The following CTNND2 variants were observed in gnomAD, a reference collection of about 807,000 sequenced individuals.
CTNND2 encodes catenin delta-2.
In CTNND2, 22 loss-of-function variants were observed where a neutral mutation model predicts 144.4. That is an observed-to-expected ratio of 0.15 (90% CI 0.11 to 0.22). The LOEUF (loss-of-function observed/expected upper bound fraction) is 0.22. CTNND2 is among the 10% of genes least tolerant of loss of function. CTNND2 has a pLI of 1.00. For synonymous variants in CTNND2, 751 were observed against 695.6 expected (o/e 1.08, Z -1.25); for missense variants, 1,353 against 1,618.8 (o/e 0.84, Z 2.82).
Position 11,051,007 on chromosome 5 carries a change from A to G in CTNND2, c.2789-28028T>C, listed in dbSNP as rs141456222. 4.7e-3 allele frequency among the ~76,000 whole-genome samples: 713 copies of G among 152,322 alleles called. 7 individuals carry two copies. Among genetic ancestry groups the G allele is most frequent in the African/African-American group, 0.016 (675 of 41,584 alleles). On this transcript the variant is annotated intron_variant, in intron 16 of 21. Transcript: ENST00000304623. ...AGTCTCTGCCAAAACACAAGTGATA[A>G]TGGCCAGCCCCCTTGCTATAGGAAG...
At chr5:11,005,446 G>C (rs1184494710) in intron 18 of CTNND2, among the ~76,000 whole-genome samples, 1 of 152,216 alleles carries the variant, frequency 6.6e-6, no homozygotes, top group Non-Finnish European at 1.5e-5. Flanking sequence ...TGGTAACGTT[G>C]ATTCCAGAAA....
chr5:11,830,626 T>A (rs890141762), intron 1 of CTNND2, among the ~76,000 whole-genome samples: 1 of 152,122 alleles, frequency 6.6e-6, no homozygotes, highest in African/African-American at 2.4e-5. Context: ...TTACCCAGTC[T>A]CAAATATGTC....
At chr5:11,877,917 T>C (rs939630334) in intron 1 of CTNND2, among the ~76,000 whole-genome samples, 1 of 152,200 alleles carries the variant, frequency 6.6e-6, no homozygotes, top group Non-Finnish European at 1.5e-5. Context: ...TAAATCCATC[T>C]AATATATAAA....
chr5:11,681,562 T>A (rs1291911699), intron 2 of CTNND2, among the ~76,000 whole-genome samples: 1 of 152,178 alleles, frequency 6.6e-6, no homozygotes, highest in African/African-American at 2.4e-5. Context: ...AAAAAAATTC[T>A]TTTTCCAGTC....
intron 2 of CTNND2, among the ~76,000 whole-genome samples, chr5:11,586,154 T>C (rs1356337998): frequency 2.6e-5 from 4 of 152,224 alleles, no homozygotes; most frequent in African/African-American, 9.6e-5. Context: ...AAGGTTATTT[T>C]GTGTGTCACT....
chr5:11,082,826 G>C lies in CTNND2; in HGVS notation c.2658C>G (p.Ala886=), dbSNP rs751813141. The C allele has an allele frequency of 6.2e-7, 1 of 1,614,114 alleles. No individual in the cohort carries two copies. Among genetic ancestry groups the C allele is most frequent in the Non-Finnish European group, 8.5e-7 (1 of 1,180,026 alleles). The part of the protein sequence containing the change: ...GSWKWSVYIR[A]AVRKEKGLPI... ...GCAGGCCTTTCTCTTTTCGGACAGC[G>C]GCTCGGATATATACTGACCACTGCA... The change falls in exon 16 of 22, where the codon GCC becomes GCG. Residue 886 remains alanine (A), a synonymous_variant. Coordinates refer to ENST00000304623, the MANE Select transcript of CTNND2 (RefSeq NM_001332.4).
At chr5:11,774,981 T>C (rs965217260) in intron 1 of CTNND2, among the ~76,000 whole-genome samples, 1 of 152,172 alleles carries the variant, frequency 6.6e-6, no homozygotes, top group African/African-American at 2.4e-5. Context: ...TAGTTGTCCT[T>C]CTGTCTCTCA....
chr5:11,074,028 T>TC (rs1748640029), intron 16 of CTNND2, among the ~76,000 whole-genome samples: 1 of 152,250 alleles, frequency 6.6e-6, no homozygotes, highest in Non-Finnish European at 1.5e-5. Flanking sequence ...ACTTACATAT[T>TC]TCCAGTACTA....
chr5:11,200,131 G>A (rs1737276202), intron 10 of CTNND2, among the ~76,000 whole-genome samples: 1 of 152,146 alleles, frequency 6.6e-6, no homozygotes, highest in Non-Finnish European at 1.5e-5. Flanking sequence ...GAAGCGAAAC[G>A]AGAGACTGGA....
intron 15 of CTNND2, among the ~76,000 whole-genome samples, chr5:11,090,729 T>C (rs928402956): frequency 6.6e-6 from 1 of 152,198 alleles, no homozygotes; most frequent in Admixed American, 6.5e-5. Context: ...GCTTTAGGGA[T>C]AGGCTGTGTC....
chr5:11,812,589 G>A (rs1792398043), intron 1 of CTNND2, among the ~76,000 whole-genome samples: 1 of 152,108 alleles, frequency 6.6e-6, no homozygotes, highest in Non-Finnish European at 1.5e-5. Flanking sequence ...CCCATCCATT[G>A]TTAGACCCCA....
chr5:11,335,791 G>A (rs1753671778), intron 9 of CTNND2, among the ~76,000 whole-genome samples: 2 of 152,106 alleles, frequency 1.3e-5, no homozygotes, highest in African/African-American at 4.8e-5. Context: ...GTGCCAGATG[G>A]AAAATTGAAA....
intron 18 of CTNND2, among the ~76,000 whole-genome samples, chr5:11,001,033 G>T (rs1739904569): frequency 6.6e-6 from 1 of 152,146 alleles, no homozygotes; most frequent in Non-Finnish European, 1.5e-5. Flanking sequence ...CCATTCCCAA[G>T]GTTGACTTCT....
chr5:11,183,068 T>G (rs1425863050), intron 11 of CTNND2, among the ~76,000 whole-genome samples: 1 of 152,198 alleles, frequency 6.6e-6, no homozygotes, highest in Non-Finnish European at 1.5e-5. Flanking sequence ...TTCCTTCTTT[T>G]CAATCCCATT....
intron 1 of CTNND2, among the ~76,000 whole-genome samples, chr5:11,830,681 T>A (rs1218600991): frequency 6.6e-6 from 1 of 152,046 alleles, no homozygotes; most frequent in Non-Finnish European, 1.5e-5. Flanking sequence ...TCCACGCAGA[T>A]CTCCCAGAGG....
intron 2 of CTNND2, among the ~76,000 whole-genome samples, chr5:11,611,074 CGG>C (rs1261052420): frequency 6.6e-6 from 1 of 152,118 alleles, no homozygotes; most frequent in Non-Finnish European, 1.5e-5. Flanking sequence ...TTTAATCATG[CGG>C]ACAGTTACCC....
At chr5:11,086,669 T>G (rs183886301) in intron 15 of CTNND2, among the ~76,000 whole-genome samples, 38 of 152,320 alleles carry the variant, frequency 2.5e-4, no homozygotes, top group Middle Eastern at 3.4e-3. Flanking sequence ...GAGAATTTGG[T>G]AACAAGGAGA....
chr5:11,511,707 T>G (rs1010059791), intron 3 of CTNND2, among the ~76,000 whole-genome samples: 1 of 152,180 alleles, frequency 6.6e-6, no homozygotes, highest in African/African-American at 2.4e-5. Context: ...AGAAAAGACA[T>G]CTGAAGAAAT....
At chr5:11,616,447 T>A (rs552307230) in intron 2 of CTNND2, among the ~76,000 whole-genome samples, 69 of 152,282 alleles carry the variant, frequency 4.5e-4, no homozygotes, top group Non-Finnish European at 8.1e-4. Context: ...TAACTACACA[T>A]CCTTCTTAAT....
Sources: allele counts gnomAD v4.1 joint callset (sites outside exome capture counted in the v4.1 genomes callset), GRCh38; gene constraint gnomAD v4.1.1; transcripts MANE v1.5; gene names NCBI Gene and HGNC (gene_info 2026-07-23, HGNC 2026-07-21).